CNGB3: variants seen among roughly 807,000 people sequenced by gnomAD.
The protein encoded by CNGB3 is cyclic nucleotide gated channel subunit beta 3, also known as cyclic nucleotide-gated channel beta-3.
CNGB3 carries 86 observed loss-of-function variants against 92.8 expected under a neutral mutation model. That is an observed-to-expected ratio of 0.93 (90% CI 0.78 to 1.11). The LOEUF is 1.11. Among genes scored for constraint, CNGB3 ranks in the 50% least tolerant of loss-of-function variants. The probability of loss-of-function intolerance (pLI) is 0.00; values close to 1 mark genes in which losing one functional copy is unlikely to be tolerated. For missense variants in CNGB3, 1,026 were observed against 956.8 expected (o/e 1.07, Z -0.95); for synonymous variants, 333 against 332.7 (o/e 1.00, Z -0.01).
intron 5 of CNGB3, 123 bp downstream of exon 5, chr8:86,667,896 C>G: frequency 1.9e-6 from 2 of 1,074,896 alleles, no homozygotes; most frequent in South Asian, 2.6e-5. Flanking sequence ...AATTTAAATT[C>G]TGCTTCCTAG....
Position 86,626,035 on chromosome 8 carries a change from G to T in CNGB3, c.1526C>A (p.Ala509Asp). 1 of 1,613,846 alleles carries T rather than the reference G, an allele frequency of 6.2e-7. No homozygotes were observed. The highest frequency in any genetic ancestry group is 2.2e-5 in the East Asian group (1 of 44,838). ...LKTLPTTVQL[A>D]LAIDVNFSII... ...GCTGAAGTTCACATCAATGGCGAGGGCTAACTGGACCGTAGTTGGTAGGGT... is the reference window on the plus strand; with the variant it reads ...GCTGAAGTTCACATCAATGGCGAGGTCTAACTGGACCGTAGTTGGTAGGGT... Residue 509 changes from alanine (A) to aspartate (D), a missense_variant, in exon 13 of 18, where the codon GCC (alanine) becomes GAC (aspartate). Transcript: ENST00000320005.
At chr8:86,742,736 C>T (rs1825363504) in intron 1 of CNGB3, among the ~76,000 whole-genome samples, 1 of 152,132 alleles carries the variant, frequency 6.6e-6, no homozygotes. Context: ...AAACCTGTCA[C>T]AGAAACACAA....
At chr8:86,712,149 A>G (rs1037655466) in intron 3 of CNGB3, among the ~76,000 whole-genome samples, 3 of 152,100 alleles carry the variant, frequency 2.0e-5, no homozygotes, top group African/African-American at 7.2e-5. Flanking sequence ...TAATAGCAAA[A>G]CAAAATTTAA....
rs959785318 is a variant in CNGB3, at chr8:86,715,900, C to A, written c.338+10631G>T. On this transcript the variant is annotated intron_variant, in intron 3 of 17. Transcript: ENST00000320005. Reference sequence around the variant, plus strand: ...AAATGACAAGTTAATGGGTGCAGCACACCAGCATGGCACATGTATACATAT... The same window carrying A: ...AAATGACAAGTTAATGGGTGCAGCAAACCAGCATGGCACATGTATACATAT... Among the ~76,000 whole-genome samples, 30 of 151,164 alleles carry A rather than the reference C, an allele frequency of 2.0e-4. 1 individual carries two copies. The highest frequency in any genetic ancestry group is 6.8e-4 in the African/African-American group (28 of 41,236).
chr8:86,659,742 G>A lies in CNGB3; in HGVS notation c.853-5680C>T, dbSNP rs1437462650. On this transcript the variant is annotated intron_variant, in intron 6 of 17. Coordinates refer to ENST00000320005, the MANE Select transcript of CNGB3 (RefSeq NM_019098.5). Reference sequence around the variant, plus strand: ...CCTTCTCGGACATGAGGATCCCTATGGTCTGAATTTGAACCTGTAACCACT... The same window carrying A: ...CCTTCTCGGACATGAGGATCCCTATAGTCTGAATTTGAACCTGTAACCACT... The A allele has an allele frequency of 1.3e-5, 5 of 370,384 alleles. No individual in the cohort carries two copies. The East Asian group carries it at 2.1e-4, about 15-fold the overall frequency. 22.9% of individuals were successfully genotyped at this position (370,384 alleles called of 1,614,324 possible).
chr8:86,720,430 A>G lies in CNGB3; in HGVS notation c.338+6101T>C, dbSNP rs143605214. On this transcript the variant is annotated intron_variant, in intron 3 of 17. Transcript: ENST00000320005. ...ACATCACTAATTATCAGGGAAATGC[A>G]AATCAAAACCACAATGCAATACCAC... 8.4e-3 allele frequency among the ~76,000 whole-genome samples: 1,287 copies of G among 152,322 alleles called. 18 individuals carry two copies. Among genetic ancestry groups the G allele is most frequent in the African/African-American group, 0.029 (1,212 of 41,582 alleles).
chr8:86,579,979 C>T (rs1193960590), intron 15 of CNGB3, among the ~76,000 whole-genome samples: 1 of 152,156 alleles, frequency 6.6e-6, no homozygotes, highest in African/African-American at 2.4e-5. Flanking sequence ...AAAGATACTA[C>T]CTGAGACTGG....
intron 3 of CNGB3, among the ~76,000 whole-genome samples, chr8:86,683,509 T>C (rs1233162716): frequency 6.6e-6 from 1 of 152,200 alleles, no homozygotes; most frequent in Non-Finnish European, 1.5e-5. Flanking sequence ...AAGAGAACTG[T>C]ACTGGTAGTC....
At chr8:86,593,059 T>C (rs1022244019) in intron 15 of CNGB3, among the ~76,000 whole-genome samples, 3 of 151,506 alleles carry the variant, frequency 2.0e-5, no homozygotes, top group Non-Finnish European at 2.9e-5. Flanking sequence ...GGCAAACACA[T>C]GTTAGCCTAG....
At position 86,582,177 on chromosome 8, in the gene CNGB3, T is replaced by A. The variant is rs1821800024; in HGVS notation, c.1782-2925A>T. Among the ~76,000 whole-genome samples, 3 of 152,110 alleles carry A rather than the reference T, an allele frequency of 2.0e-5. 1 individual carries two copies. In the South Asian group the frequency reaches 6.2e-4, roughly 32 times the overall value. On this transcript the variant is annotated intron_variant, in intron 15 of 17. Coordinates refer to ENST00000320005, the MANE Select transcript of CNGB3 (RefSeq NM_019098.5). Reference sequence around the variant, plus strand: ...TGGAAGGCTGAGATGGGTGGATCACTTGAGCTCAGAGTTCAAGACCAGCCT... The same window carrying A: ...TGGAAGGCTGAGATGGGTGGATCACATGAGCTCAGAGTTCAAGACCAGCCT...
intron 2 of CNGB3, among the ~76,000 whole-genome samples, chr8:86,737,788 G>T (rs1394510175): frequency 6.6e-6 from 1 of 152,096 alleles, no homozygotes; most frequent in African/African-American, 2.4e-5. Context: ...CTTTATATGT[G>T]TACTTAATGT....
intron 10 of CNGB3, among the ~76,000 whole-genome samples, chr8:86,635,823 T>G (rs916517446): frequency 3.7e-4 from 9 of 24,200 alleles, no homozygotes; most frequent in Non-Finnish European, 5.2e-4. Context: ...TAACACATGA[T>G]ATATATATAT....
At chr8:86,730,449 G>T (rs548132682) in intron 2 of CNGB3, among the ~76,000 whole-genome samples, 1 of 152,066 alleles carries the variant, frequency 6.6e-6, no homozygotes, top group Non-Finnish European at 1.5e-5. Flanking sequence ...GTACTACTTT[G>T]GTCAAATTTC....
intron 2 of CNGB3, among the ~76,000 whole-genome samples, chr8:86,734,889 T>A (rs1000920377): frequency 6.6e-6 from 1 of 152,080 alleles, no homozygotes; most frequent in African/African-American, 2.4e-5. Flanking sequence ...CTAATTTAAT[T>A]CTCACTCACA....
intron 15 of CNGB3, among the ~76,000 whole-genome samples, chr8:86,599,931 C>T (rs1822254915): frequency 6.6e-6 from 1 of 152,144 alleles, no homozygotes. Flanking sequence ...TTCATACACT[C>T]CCTCCCCTTT....
At chr8:86,586,033 A>G (rs1225539629) in intron 15 of CNGB3, among the ~76,000 whole-genome samples, 2 of 152,154 alleles carry the variant, frequency 1.3e-5, no homozygotes, top group East Asian at 3.9e-4. Context: ...ACTTTTTTGG[A>G]TGCATCCAAG....
intron 1 of CNGB3, among the ~76,000 whole-genome samples, chr8:86,740,349 T>C (rs1825319621): frequency 6.6e-6 from 1 of 152,110 alleles, no homozygotes. Flanking sequence ...TCAATGTCTG[T>C]AGAGGATTAG....
intron 3 of CNGB3, among the ~76,000 whole-genome samples, chr8:86,705,740 A>C (rs1475933520): frequency 6.6e-6 from 1 of 152,224 alleles, no homozygotes; most frequent in Non-Finnish European, 1.5e-5. Flanking sequence ...GGTGGTTTAC[A>C]TATAGCAGCA....
chr8:86,719,632 A>G (rs1180506266), intron 3 of CNGB3, among the ~76,000 whole-genome samples: 1 of 152,218 alleles, frequency 6.6e-6, no homozygotes, highest in Non-Finnish European at 1.5e-5. Flanking sequence ...TCTTCACAGA[A>G]CTAGAAAAAA....
Sources: allele counts gnomAD v4.1 joint callset (sites outside exome capture counted in the v4.1 genomes callset), GRCh38; gene constraint gnomAD v4.1.1; transcripts MANE v1.5; gene names NCBI Gene and HGNC (gene_info 2026-07-23, HGNC 2026-07-21).